Variants in KHDRBS2 observed in about 807,000 individuals in gnomAD.
The protein encoded by KHDRBS2 is KH domain-containing, RNA-binding, signal transduction-associated protein 2.
Under a neutral mutation model 44.3 loss-of-function variants are expected in KHDRBS2, and 26 were observed. The ratio of observed to expected loss-of-function variants is 0.59; its 90% CI spans 0.43 to 0.81. The LOEUF (loss-of-function observed/expected upper bound fraction) is 0.81, where lower values mean the gene tolerates loss of function less well. Ranked by LOEUF, KHDRBS2 falls within the 40% of genes least tolerant of loss-of-function variation. The pLI is 0.00. For missense variants in KHDRBS2, 476 were observed against 433.1 expected (o/e 1.10, Z -0.88); for synonymous variants, 194 against 151.1 (o/e 1.28, Z -2.08).
the KHDRBS2 span, among the ~76,000 whole-genome samples, chr6:61,634,385 T>C: frequency 6.6e-6 from 1 of 152,090 alleles, no homozygotes; most frequent in Non-Finnish European, 1.5e-5. Flanking sequence ...TTTCTTTTAA[T>C]GAACATGCTC....
At chr6:61,619,872 CTATAAACA>C in the KHDRBS2 span, among the ~76,000 whole-genome samples, 1 of 152,110 alleles carries the variant, frequency 6.6e-6, no homozygotes. Flanking sequence ...AATTGTGCTT[CTATAAACA>C]TATATATGCA....
chr6:62,098,872 C>T (rs1261258038), intron 2 of KHDRBS2, among the ~76,000 whole-genome samples: 1 of 152,144 alleles, frequency 6.6e-6, no homozygotes, highest in South Asian at 2.1e-4. Flanking sequence ...AATAGTCTGT[C>T]TTTGGGCTCA....
At chr6:62,125,593 T>A (rs1336696429) in intron 2 of KHDRBS2, among the ~76,000 whole-genome samples, 2 of 152,110 alleles carry the variant, frequency 1.3e-5, no homozygotes, top group Non-Finnish European at 2.9e-5. Context: ...TTCTTTCCAC[T>A]TGAAGAGAGG....
At chr6:61,788,065 A>G (rs1490395236) in intron 6 of KHDRBS2, among the ~76,000 whole-genome samples, 2 of 151,646 alleles carry the variant, frequency 1.3e-5, no homozygotes, top group Non-Finnish European at 3.0e-5. Context: ...TTTTAAGTGC[A>G]TCCTAAATCA....
chr6:62,060,966 G>C (rs1791683597), intron 2 of KHDRBS2, among the ~76,000 whole-genome samples: 1 of 151,818 alleles, frequency 6.6e-6, no homozygotes, highest in Admixed American at 6.6e-5. Context: ...TTGGTTTAAA[G>C]TCTGTTTTAT....
intron 2 of KHDRBS2, among the ~76,000 whole-genome samples, chr6:62,148,388 G>A (rs1814385368): frequency 6.6e-6 from 1 of 151,992 alleles, no homozygotes; most frequent in South Asian, 2.1e-4. Context: ...TTAACCTTAA[G>A]AAGCTCTTGA....
chr6:62,101,599 T>C (rs1562860977), intron 2 of KHDRBS2, among the ~76,000 whole-genome samples: 1 of 152,196 alleles, frequency 6.6e-6, no homozygotes, highest in South Asian at 2.1e-4. Flanking sequence ...TCTGGATATG[T>C]ACTCTAGGTA....
intron 2 of KHDRBS2, among the ~76,000 whole-genome samples, chr6:62,133,637 A>T (rs770011051): frequency 2.0e-4 from 30 of 152,288 alleles, no homozygotes; most frequent in Non-Finnish European, 3.2e-4. Flanking sequence ...AATATTTTGG[A>T]GGGTTCAGAA....
chr6:61,575,008 T>G, the KHDRBS2 span, among the ~76,000 whole-genome samples: 2 of 152,178 alleles, frequency 1.3e-5, no homozygotes, highest in African/African-American at 2.4e-5. Context: ...ACTATAAAAA[T>G]TCTAAAAGAT....
At chr6:62,052,111 A>T (rs941793956) in intron 2 of KHDRBS2, among the ~76,000 whole-genome samples, 7 of 152,066 alleles carry the variant, frequency 4.6e-5, no homozygotes, top group Admixed American at 4.6e-4. Context: ...GAACTACTAT[A>T]TGACCCAACA....
chr6:62,107,595 T>A lies in KHDRBS2; in HGVS notation c.220-59601A>T, dbSNP rs1277900601. On this transcript the variant is annotated intron_variant, in intron 2 of 8. Transcript: ENST00000281156. ...CTTCACAGAATTGGAAAAAAATACT[T>A]TAAACTTCATATGGAACCAAAAAAG... is the stretch of plus-strand genomic sequence containing the variant. Among the ~76,000 whole-genome samples the A allele has an allele frequency of 2.0e-5, 3 of 152,076 alleles. No individual in the cohort carries two copies. In the East Asian group the frequency reaches 5.8e-4, roughly 29 times the overall value.
intron 7 of KHDRBS2, among the ~76,000 whole-genome samples, chr6:61,700,680 T>C (rs1204135): frequency 0.62 from 93,104 of 150,362 alleles, 29,893 homozygotes; most frequent in Non-Finnish European, 0.7. Context: ...GAGTGTAAAT[T>C]AAGATCCTTT....
At chr6:62,138,589 T>C (rs1475128727) in intron 2 of KHDRBS2, among the ~76,000 whole-genome samples, 1 of 152,094 alleles carries the variant, frequency 6.6e-6, no homozygotes, top group Non-Finnish European at 1.5e-5. Context: ...CACTTAATCC[T>C]AAAATAGCAG....
At chr6:61,702,449 T>G (rs1415401602) in intron 7 of KHDRBS2, among the ~76,000 whole-genome samples, 1 of 151,968 alleles carries the variant, frequency 6.6e-6, no homozygotes, top group Non-Finnish European at 1.5e-5. Flanking sequence ...GCCACTGAAT[T>G]GTGAGACATC....
Position 62,271,153 on chromosome 6 carries a change from G to A in KHDRBS2, c.91+14705C>T, listed in dbSNP as rs58185864. Among the ~76,000 whole-genome samples the A allele has an allele frequency of 2.8e-3, 431 of 152,138 alleles. 3 individuals are homozygous for A. The highest frequency in any genetic ancestry group is 7.7e-3 in the African/African-American group (319 of 41,518). ...CATACATATATACACACAGGTATGC[G>A]TATGTATGAATAAATATGTATGTGT... On this transcript the variant is annotated intron_variant, in intron 1 of 8. Coordinates refer to ENST00000281156, the MANE Select transcript of KHDRBS2 (RefSeq NM_152688.4).
At chr6:61,963,386 A>G (rs1769190173) in intron 4 of KHDRBS2, among the ~76,000 whole-genome samples, 2 of 152,216 alleles carry the variant, frequency 1.3e-5, no homozygotes, top group Non-Finnish European at 2.9e-5. Flanking sequence ...TTGCTCTAAT[A>G]TAACAATCTC....
the KHDRBS2 span, among the ~76,000 whole-genome samples, chr6:61,619,646 G>A: frequency 2.0e-5 from 3 of 152,166 alleles, no homozygotes; most frequent in African/African-American, 7.2e-5. Flanking sequence ...TAGAGAAGGG[G>A]TTTCTCCATG....
intron 1 of KHDRBS2, among the ~76,000 whole-genome samples, chr6:62,215,474 A>T (rs953464415): frequency 3.3e-5 from 5 of 151,874 alleles, no homozygotes; most frequent in African/African-American, 1.2e-4. Flanking sequence ...GAAACTGGAG[A>T]GCACTCTGGA....
the KHDRBS2 span, among the ~76,000 whole-genome samples, chr6:61,602,501 A>C: frequency 0.016 from 2,433 of 152,250 alleles, 66 homozygotes; most frequent in African/African-American, 0.057. Flanking sequence ...AGCCACTCCC[A>C]GAGCCCCTGG....
Sources: gnomAD v4.1 joint callset for allele counts (sites outside exome capture counted in the v4.1 genomes callset) on GRCh38, gnomAD v4.1.1 for gene constraint, MANE v1.5 for transcripts, NCBI Gene and HGNC (gene_info 2026-07-23, HGNC 2026-07-21) for gene names.